Variants in AFMID observed in about 807,000 individuals in gnomAD.
The protein encoded by AFMID is arylformamidase.
A neutral mutation model predicts 47.5 loss-of-function variants in AFMID; 39 were observed. The observed-to-expected ratio is 0.82, with a 90% CI of 0.64 to 1.07. The LOEUF (loss-of-function observed/expected upper bound fraction) is 1.07, where lower values mean the gene tolerates loss of function less well. Among genes scored for constraint, AFMID ranks in the 50% least tolerant of loss-of-function variants. The pLI, the probability that AFMID is intolerant of heterozygous loss-of-function variation, is 0.00. For synonymous variants in AFMID, 130 were observed against 153.2 expected, an observed-to-expected ratio of 0.85 and a Z score of 1.12; for missense variants, 375 against 387.5, an observed-to-expected ratio of 0.97 and a Z score of 0.27.
Position 78,204,822 on chromosome 17 carries a change from G to C in AFMID, c.395-6G>C, listed in dbSNP as rs1408834674. 3 of 1,614,234 alleles carry C rather than the reference G, an allele frequency of 1.9e-6. No individual in the cohort carries two copies. The African/African-American group carries it at 4.0e-5, about 22-fold the overall frequency. ...ATCCCTGACCCAGCTCATGCTCTCT[G>C]TGCAGGCACCCTGGACCACATGGTA... On this transcript the variant is annotated splice_region_variant and splice_polypyrimidine_tract_variant and intron_variant, in intron 5 of 10. Transcript: ENST00000409257.
intron 2 of AFMID, among the ~76,000 whole-genome samples, chr17:78,192,454 AC>A (rs1157820334): frequency 2.0e-5 from 3 of 151,134 alleles, no homozygotes; most frequent in African/African-American, 7.3e-5. Flanking sequence ...AGCTGGGATT[AC>A]AGGCCTGTGC....
intron 1 of AFMID, among the ~76,000 whole-genome samples, chr17:78,189,315 C>T (rs1261249058): frequency 6.6e-6 from 1 of 150,784 alleles, no homozygotes; most frequent in African/African-American, 2.5e-5. Context: ...CTCCACCTCC[C>T]GAGTTCCAGC....
chr17:78,203,742 G>C (rs947039225), intron 4 of AFMID: 1 of 152,060 alleles, frequency 6.6e-6, no homozygotes, highest in African/African-American at 2.4e-5. Flanking sequence ...TACATTTAAT[G>C]GCCAGGTACG....
intron 2 of AFMID, among the ~76,000 whole-genome samples, chr17:78,196,978 G>A (rs2076131158): frequency 6.6e-6 from 1 of 152,134 alleles, no homozygotes; most frequent in Non-Finnish European, 1.5e-5. Flanking sequence ...CTAGAGAGAG[G>A]CAATTTCTCT....
intron 2 of AFMID, among the ~76,000 whole-genome samples, chr17:78,199,234 C>T (rs562779066): frequency 2.0e-5 from 3 of 152,356 alleles, no homozygotes; most frequent in Middle Eastern, 3.4e-3. Flanking sequence ...GAAGTGGAGA[C>T]AGCCCGGTTT....
At chr17:78,201,724 T>A (rs2076247154) in intron 2 of AFMID, among the ~76,000 whole-genome samples, 1 of 152,064 alleles carries the variant, frequency 6.6e-6, no homozygotes, top group African/African-American at 2.4e-5. Context: ...TTGACAGACG[T>A]CAGGACTGGC....
intron 4 of AFMID, among the ~76,000 whole-genome samples, chr17:78,204,374 A>G (rs536875999): frequency 6.6e-6 from 1 of 152,338 alleles, no homozygotes; most frequent in African/African-American, 2.4e-5. Flanking sequence ...CAGGAGGTCG[A>G]GGCTACAGTG....
At chr17:78,198,639 CAAAAAAAA>C (rs57503318) in intron 2 of AFMID, among the ~76,000 whole-genome samples, 49,436 of 116,818 alleles carry the variant, frequency 0.42, 9,228 homozygotes, top group East Asian at 0.68. Context: ...AGCTCTGTCT[CAAAAAAAA>C]AAAAAAAAAA....
chr17:78,189,470 G>A (rs181626683), intron 1 of AFMID, among the ~76,000 whole-genome samples: 137 of 151,238 alleles, frequency 9.1e-4, no homozygotes, highest in Non-Finnish European at 8.0e-4. Context: ...TGATTCACCC[G>A]CCTCAGCCTC....
chr17:78,188,175 A>G (rs1270449656), intron 1 of AFMID, among the ~76,000 whole-genome samples: 1 of 151,980 alleles, frequency 6.6e-6, no homozygotes, highest in African/African-American at 2.4e-5. Context: ...AAAGAAAGAA[A>G]GAAAAGAAAC....
At chr17:78,206,762 G>T in intron 10 of AFMID, 149 bp from the exon 11 acceptor site, 1 of 727,028 alleles carries the variant, frequency 1.4e-6, no homozygotes, top group Non-Finnish European at 2.4e-6. Flanking sequence ...CAACTCCTGA[G>T]TTCAAGTGAT....
Position 78,206,879 on chromosome 17 carries a change from T to C in AFMID, c.886-32T>C, listed in dbSNP as rs923263234. ...TTCCTGCAAAGAGCTGCTCTGATTC[T>C]GGGGCTTTTGTGTCTTCTCTTCCTG... On this transcript the variant is annotated intron_variant, in intron 10 of 10. Coordinates refer to ENST00000409257, the MANE Select transcript of AFMID (RefSeq NM_001010982.5). The C allele has an allele frequency of 1.9e-6, 3 of 1,613,144 alleles. No homozygotes were observed. The African/African-American group carries it at 4.0e-5, about 22-fold the overall frequency.
chr17:78,196,380 G>A (rs1429199787), intron 2 of AFMID, among the ~76,000 whole-genome samples: 2 of 149,668 alleles, frequency 1.3e-5, no homozygotes, highest in Non-Finnish European at 3.0e-5. Context: ...AAAAAGAAAA[G>A]AAATTATTTC....
chr17:78,199,062 C>CGTCAGTA (rs2076182931), intron 2 of AFMID, among the ~76,000 whole-genome samples: 1 of 152,228 alleles, frequency 6.6e-6, no homozygotes, highest in African/African-American at 2.4e-5. Context: ...CTCGTCAGTA[C>CGTCAGTA]GTCAGTACGC....
At chr17:78,206,499 T>C (rs1033504540) in intron 10 of AFMID, among the ~76,000 whole-genome samples, 4 of 151,874 alleles carry the variant, frequency 2.6e-5, no homozygotes, top group African/African-American at 9.7e-5. Context: ...TGCTGCCTCC[T>C]GGGCTCAAGT....
At chr17:78,192,495 G>C in intron 2 of AFMID, 1 of 370,682 alleles carries the variant, frequency 2.7e-6, no homozygotes, top group Non-Finnish European at 5.4e-6. Flanking sequence ...TGTATTTTTA[G>C]TAGAGATGGG....
chr17:78,201,292 G>A (rs1242038381), intron 2 of AFMID, among the ~76,000 whole-genome samples: 6 of 135,950 alleles, frequency 4.4e-5, no homozygotes, highest in African/African-American at 1.4e-4. Flanking sequence ...AGACTCCGTC[G>A]CAAAAAAAAA....
intron 2 of AFMID, among the ~76,000 whole-genome samples, chr17:78,196,190 C>T (rs2076109001): frequency 6.6e-6 from 1 of 151,790 alleles, no homozygotes; most frequent in Non-Finnish European, 1.5e-5. Flanking sequence ...CATAGTGAAA[C>T]CCCATCTCTA....
intron 2 of AFMID, among the ~76,000 whole-genome samples, chr17:78,191,342 C>T (rs1287712105): frequency 1.3e-5 from 2 of 152,088 alleles, no homozygotes; most frequent in Non-Finnish European, 2.9e-5. Context: ...CGTAAGGCTG[C>T]GGGCTGTGGT....
Sources: gnomAD v4.1 joint callset for allele counts (sites outside exome capture counted in the v4.1 genomes callset) on GRCh38, gnomAD v4.1.1 for gene constraint, MANE v1.5 for transcripts, NCBI Gene and HGNC (gene_info 2026-07-23, HGNC 2026-07-21) for gene names.